The following ADAMTS6 variants were observed in gnomAD, a reference collection of about 807,000 sequenced individuals.
ADAMTS6 encodes the protein ADAM metallopeptidase with thrombospondin type 1 motif 6, also known as A disintegrin and metalloproteinase with thrombospondin motifs 6.
ADAMTS6 carries 23 observed loss-of-function variants against 144.3 expected under a neutral mutation model. The ratio of observed to expected loss-of-function variants is 0.16; its 90% CI spans 0.11 to 0.23. The LOEUF is 0.23. Among genes scored for constraint, ADAMTS6 ranks in the 10% least tolerant of loss-of-function variants. ADAMTS6 has a pLI of 1.00. For missense variants in ADAMTS6, 999 were observed against 1,379.6 expected (o/e 0.72, Z 4.37); for synonymous variants, 444 against 457.5 (o/e 0.97, Z 0.38).
chr5:65,384,504 T>C (rs1752321782), intron 7 of ADAMTS6, among the ~76,000 whole-genome samples: 1 of 152,222 alleles, frequency 6.6e-6, no homozygotes, highest in South Asian at 2.1e-4. Flanking sequence ...ACAGAGATCA[T>C]CTTTCCTCTA....
At chr5:65,409,149 C>G (rs1367327731) in intron 7 of ADAMTS6, among the ~76,000 whole-genome samples, 1 of 152,092 alleles carries the variant, frequency 6.6e-6, no homozygotes, top group Non-Finnish European at 1.5e-5. Flanking sequence ...TAACTAAGAT[C>G]AGAGCAGAAC....
chr5:65,333,917 C>T (rs942147674), intron 8 of ADAMTS6, 125 bp downstream of exon 8: 6 of 1,067,546 alleles, frequency 5.6e-6, no homozygotes, highest in East Asian at 3.3e-5. Flanking sequence ...TTCAGATGTA[C>T]AGAAAGGAAA....
intron 9 of ADAMTS6, among the ~76,000 whole-genome samples, chr5:65,318,410 T>C (rs182315934): frequency 6.6e-6 from 1 of 152,306 alleles, no homozygotes; most frequent in African/African-American, 2.4e-5. Flanking sequence ...AATCATGTTA[T>C]GGAAGAGATA....
intron 12 of ADAMTS6, among the ~76,000 whole-genome samples, chr5:65,270,440 G>A (rs1227306444): frequency 6.6e-6 from 1 of 152,158 alleles, no homozygotes; most frequent in Admixed American, 6.5e-5. Flanking sequence ...ATAAAGAAGT[G>A]TTTTGCTCAC....
At chr5:65,399,278 G>C (rs1318660613) in intron 7 of ADAMTS6, among the ~76,000 whole-genome samples, 1 of 152,162 alleles carries the variant, frequency 6.6e-6, no homozygotes, top group Non-Finnish European at 1.5e-5. Context: ...ACTTCTTGTA[G>C]ACAACATATA....
chr5:65,260,915 T>C (rs1490841222), intron 13 of ADAMTS6, among the ~76,000 whole-genome samples: 1 of 152,064 alleles, frequency 6.6e-6, no homozygotes, highest in Non-Finnish European at 1.5e-5. Flanking sequence ...TAGTAATTTA[T>C]AAGATTCTTA....
At position 65,188,139 on chromosome 5, in the gene ADAMTS6, C is replaced by A. The variant is rs1397125921; in HGVS notation, c.2787G>T (p.Lys929Asn). Residue 929 changes from lysine (K) to asparagine (N), a missense_variant, in exon 22 of 25, where the codon AAG becomes AAT. Transcript: ENST00000381055. ...GCGTCTCCTCCTCAGAAGGTCCGAT[C>A]TTCCTGATGCAGAGCACTGCCCTTG... is the stretch of plus-strand genomic sequence containing the variant. ...MRTRAVLCIR[K>N]IGPSEEETLD... 2 of 1,614,072 alleles carry A rather than the reference C, an allele frequency of 1.2e-6. No homozygotes were observed. The highest frequency in any genetic ancestry group is 2.7e-5 in the African/African-American group (2 of 74,930).
intron 18 of ADAMTS6, 111 bp from the exon 19 acceptor site, chr5:65,215,598 T>C: frequency 1.1e-6 from 1 of 919,382 alleles, no homozygotes; most frequent in Non-Finnish European, 1.6e-6. Context: ...CATTTAGAGA[T>C]GTGACTCTTG....
chr5:65,375,299 A>T (rs185206692), intron 7 of ADAMTS6, among the ~76,000 whole-genome samples: 18,856 of 151,702 alleles, frequency 0.12, 1,277 homozygotes, highest in African/African-American at 0.18. Context: ...ACAGCAAAAG[A>T]AACTACCATC....
At chr5:65,388,211 C>T (rs373478310) in intron 7 of ADAMTS6, among the ~76,000 whole-genome samples, 3 of 151,454 alleles carry the variant, frequency 2.0e-5, no homozygotes, top group Admixed American at 6.6e-5. Context: ...TCCAACCCCC[C>T]CAAAAAAAAA....
intron 4 of ADAMTS6, among the ~76,000 whole-genome samples, chr5:65,459,759 C>A (rs1759507580): frequency 6.6e-6 from 1 of 152,128 alleles, no homozygotes; most frequent in South Asian, 2.1e-4. Context: ...TCGCTCAGTG[C>A]TAACACTACT....
chr5:65,321,636 T>C (rs1745616080), intron 9 of ADAMTS6, among the ~76,000 whole-genome samples: 1 of 152,074 alleles, frequency 6.6e-6, no homozygotes, highest in Middle Eastern at 3.4e-3. Context: ...CTGAATTGTA[T>C]TGCCTAGGTT....
chr5:65,224,773 A>G (rs1757597570), intron 17 of ADAMTS6, 151 bp downstream of exon 17: 3 of 847,206 alleles, frequency 3.5e-6, no homozygotes, highest in Non-Finnish European at 1.8e-6. Flanking sequence ...TTGAAGCCAC[A>G]TTTAACACTA....
intron 7 of ADAMTS6, among the ~76,000 whole-genome samples, chr5:65,424,114 A>G (rs1186715456): frequency 6.6e-6 from 1 of 152,188 alleles, no homozygotes; most frequent in East Asian, 1.9e-4. Context: ...GGCTGCGACT[A>G]CTTTTTCTTT....
chr5:65,381,365 C>CTT (rs541774535), intron 7 of ADAMTS6, among the ~76,000 whole-genome samples: 13 of 141,174 alleles, frequency 9.2e-5, no homozygotes, highest in African/African-American at 3.1e-4. Flanking sequence ...AGGATTATAT[C>CTT]TTTTTTTTTT....
chr5:65,290,412 A>G (rs1482867195), intron 11 of ADAMTS6, among the ~76,000 whole-genome samples: 4 of 152,082 alleles, frequency 2.6e-5, no homozygotes, highest in African/African-American at 7.2e-5. Flanking sequence ...TCAGCCGGGC[A>G]TGATGGTGCA....
chr5:65,368,297 T>C (rs1750496718), intron 7 of ADAMTS6, among the ~76,000 whole-genome samples: 1 of 152,332 alleles, frequency 6.6e-6, no homozygotes, highest in Non-Finnish European at 1.5e-5. Context: ...CCTGATGCTA[T>C]TCAAAGCACA....
At chr5:65,350,169 A>G (rs1219377094) in intron 7 of ADAMTS6, among the ~76,000 whole-genome samples, 3 of 152,208 alleles carry the variant, frequency 2.0e-5, no homozygotes, top group African/African-American at 7.2e-5. Context: ...AGGATGTCAC[A>G]CGTTCTATAG....
chr5:65,191,069 C>G (rs1754989755), intron 21 of ADAMTS6, among the ~76,000 whole-genome samples: 1 of 152,096 alleles, frequency 6.6e-6, no homozygotes, highest in Admixed American at 6.6e-5. Flanking sequence ...CAGAAATTCT[C>G]TCTGGGAATA....
Sources: gnomAD v4.1 joint callset for allele counts (sites outside exome capture counted in the v4.1 genomes callset) on GRCh38, gnomAD v4.1.1 for gene constraint, MANE v1.5 for transcripts, NCBI Gene and HGNC (gene_info 2026-07-23, HGNC 2026-07-21) for gene names.